Variants in LCLAT1 observed in about 807,000 individuals in gnomAD.
LCLAT1 encodes the protein lysocardiolipin acyltransferase 1.
A neutral mutation model predicts 30.7 loss-of-function variants in LCLAT1; 11 were observed. The observed-to-expected ratio is 0.36, with a 90% CI of 0.23 to 0.59. The LOEUF (loss-of-function observed/expected upper bound fraction) is 0.59. LCLAT1 is among the 20% of genes least tolerant of loss of function. LCLAT1 has a pLI of 0.77. For missense variants in LCLAT1, 402 were observed against 458.6 expected, an observed-to-expected ratio of 0.88 and a Z score of 1.13; for synonymous variants, 155 against 151.3, an observed-to-expected ratio of 1.02 and a Z score of -0.18.
chr2:30,559,276 A>G (rs1395211372), intron 3 of LCLAT1, among the ~76,000 whole-genome samples: 4 of 152,194 alleles, frequency 2.6e-5, no homozygotes, highest in Admixed American at 2.0e-4. Context: ...GCATATATGT[A>G]TATGTGACAA....
intron 1 of LCLAT1, among the ~76,000 whole-genome samples, chr2:30,495,942 A>G (rs1354533074): frequency 6.6e-6 from 1 of 152,194 alleles, no homozygotes; most frequent in Non-Finnish European, 1.5e-5. Context: ...GTTGCTATAA[A>G]AAACTATCTG....
intron 1 of LCLAT1, among the ~76,000 whole-genome samples, chr2:30,455,738 C>T (rs72853166): frequency 0.024 from 3,574 of 151,592 alleles, 130 homozygotes; most frequent in African/African-American, 0.081. Context: ...GAGGCCCTGA[C>T]TCTATAAAAA....
chr2:30,465,889 A>G (rs1682395592), intron 1 of LCLAT1, among the ~76,000 whole-genome samples: 1 of 152,192 alleles, frequency 6.6e-6, no homozygotes, highest in Non-Finnish European at 1.5e-5. Context: ...TTTCAAGTCC[A>G]TTGCATTTTG....
chr2:30,629,932 T>C (rs1398543544), intron 5 of LCLAT1, among the ~76,000 whole-genome samples: 1 of 151,970 alleles, frequency 6.6e-6, no homozygotes, highest in African/African-American at 2.4e-5. Context: ...TGGTTCCATT[T>C]CTAGATCTTT....
intron 3 of LCLAT1, among the ~76,000 whole-genome samples, chr2:30,555,815 C>A (rs571660134): frequency 1.8e-4 from 26 of 148,508 alleles, no homozygotes; most frequent in African/African-American, 6.2e-4. Context: ...TAGGGGTCAA[C>A]AAACTATTTC....
intron 5 of LCLAT1, among the ~76,000 whole-genome samples, chr2:30,568,873 A>AAAAAAAAAAAAAAAAAAAG: frequency 6.6e-6 from 1 of 150,760 alleles, no homozygotes; most frequent in East Asian, 2.0e-4. Context: ...GCAAAAAAAA[A>AAAAAAAAAAAAAAAAAAAG]AAAAAAAAAA....
chr2:30,541,577 C>T (rs1664138579), intron 3 of LCLAT1, among the ~76,000 whole-genome samples: 1 of 152,124 alleles, frequency 6.6e-6, no homozygotes, highest in Admixed American at 6.5e-5. Context: ...GGTCTGTTCC[C>T]AGACTTTCTG....
intron 1 of LCLAT1, among the ~76,000 whole-genome samples, chr2:30,488,539 A>C (rs1245252952): frequency 6.6e-6 from 1 of 152,236 alleles, no homozygotes; most frequent in East Asian, 1.9e-4. Context: ...TATATTCAAA[A>C]CAGCTTGGTT....
At chr2:30,467,894 G>C (rs996487467) in intron 1 of LCLAT1, among the ~76,000 whole-genome samples, 1 of 152,176 alleles carries the variant, frequency 6.6e-6, no homozygotes, top group African/African-American at 2.4e-5. Context: ...TAAGTTGCCT[G>C]TTCACTCTGA....
At chr2:30,575,123 G>A (rs1665937930) in intron 5 of LCLAT1, among the ~76,000 whole-genome samples, 1 of 152,014 alleles carries the variant, frequency 6.6e-6, no homozygotes, top group Non-Finnish European at 1.5e-5. Flanking sequence ...AGCTCCCATT[G>A]GTTCCTCCAG....
chr2:30,562,020 T>G (rs1665248875), intron 3 of LCLAT1, 126 bp from the exon 4 acceptor site: 1 of 540,638 alleles, frequency 1.8e-6, no homozygotes, highest in Non-Finnish European at 3.1e-6. Flanking sequence ...ATTTATGCTA[T>G]ATCATGAAAT....
chr2:30,553,373 G>A (rs1316671047), intron 3 of LCLAT1, among the ~76,000 whole-genome samples: 2 of 152,202 alleles, frequency 1.3e-5, no homozygotes, highest in Non-Finnish European at 2.9e-5. Flanking sequence ...AGGCGATGCT[G>A]ATAACGTAAA....
At chr2:30,449,657 C>T (rs901268802) in intron 1 of LCLAT1, among the ~76,000 whole-genome samples, 5 of 152,024 alleles carry the variant, frequency 3.3e-5, no homozygotes, top group African/African-American at 7.3e-5. Context: ...TGTGCCACTA[C>T]GCCTGGCTAA....
At chr2:30,496,293 T>C (rs1022093425) in intron 1 of LCLAT1, among the ~76,000 whole-genome samples, 2 of 152,154 alleles carry the variant, frequency 1.3e-5, no homozygotes, top group Non-Finnish European at 1.5e-5. Context: ...CCAAACCATA[T>C]CTGAATCCCT....
chr2:30,463,946 TCTTA>T (rs757575721), intron 1 of LCLAT1, among the ~76,000 whole-genome samples: 7 of 152,252 alleles, frequency 4.6e-5, no homozygotes, highest in Non-Finnish European at 8.8e-5. Context: ...TTTTATCTTT[TCTTA>T]CTTTTATGAG....
chr2:30,564,634 G>C (rs930678091), intron 4 of LCLAT1, among the ~76,000 whole-genome samples: 10 of 151,860 alleles, frequency 6.6e-5, no homozygotes, highest in East Asian at 3.9e-4. Flanking sequence ...TTTAACAGTA[G>C]AATACAGATA....
intron 1 of LCLAT1, among the ~76,000 whole-genome samples, chr2:30,461,361 G>A (rs1682116390): frequency 6.6e-6 from 1 of 152,098 alleles, no homozygotes; most frequent in South Asian, 2.1e-4. Flanking sequence ...TGCCCACCAT[G>A]GTAAGACCTA....
intron 1 of LCLAT1, 21 bp from the exon 2 acceptor site, chr2:30,525,566 A>G: frequency 6.3e-7 from 1 of 1,590,878 alleles, no homozygotes; most frequent in Non-Finnish European, 8.6e-7. Context: ...AACAAAATAT[A>G]TCCTTTTTTA....
intron 3 of LCLAT1, among the ~76,000 whole-genome samples, chr2:30,549,533 G>A (rs1664587164): frequency 6.6e-6 from 1 of 152,160 alleles, no homozygotes; most frequent in African/African-American, 2.4e-5. Flanking sequence ...TTTGTATTTG[G>A]TGGAAAAGCA....
Sources: gnomAD v4.1 joint callset for allele counts (sites outside exome capture counted in the v4.1 genomes callset) on GRCh38, gnomAD v4.1.1 for gene constraint, MANE v1.5 for transcripts, NCBI Gene and HGNC (gene_info 2026-07-23, HGNC 2026-07-21) for gene names.